Variants in GTF2F2 observed in about 807,000 individuals in gnomAD.
The protein encoded by GTF2F2 is ATP-dependent helicase GTF2F2.
In GTF2F2, 23 loss-of-function variants were observed where a neutral mutation model predicts 42.2. The ratio of observed to expected loss-of-function variants is 0.55; its 90% CI spans 0.39 to 0.77. The LOEUF is 0.77. GTF2F2 is among the 30% of genes least tolerant of loss of function. The pLI is 0.00. For missense variants in GTF2F2, 261 were observed against 287.2 expected, an observed-to-expected ratio of 0.91 and a Z score of 0.66; for synonymous variants, 105 against 100.8, an observed-to-expected ratio of 1.04 and a Z score of -0.25.
At chr13:45,173,612 A>ATTTTTTTT (rs56033747) in intron 4 of GTF2F2, among the ~76,000 whole-genome samples, 10 of 93,702 alleles carry the variant, frequency 1.1e-4, no homozygotes, top group Non-Finnish European at 2.0e-4. Flanking sequence ...TAACTTTGTC[A>ATTTTTTTT]TTTTTTTTTT....
chr13:45,180,652 A>G (rs908582576), intron 4 of GTF2F2, among the ~76,000 whole-genome samples: 2 of 151,934 alleles, frequency 1.3e-5, no homozygotes, highest in African/African-American at 4.8e-5. Context: ...TGTTTATTAT[A>G]CTTCATGTCA....
chr13:45,230,139 C>T (rs1030272373), intron 5 of GTF2F2, among the ~76,000 whole-genome samples: 11 of 151,908 alleles, frequency 7.2e-5, no homozygotes, highest in African/African-American at 2.7e-4. Flanking sequence ...TCGTTTAAAC[C>T]CATGAGGCGG....
chr13:45,238,212 C>T (rs1322018096), intron 5 of GTF2F2, among the ~76,000 whole-genome samples: 1 of 152,194 alleles, frequency 6.6e-6, no homozygotes, highest in African/African-American at 2.4e-5. Context: ...ACTTCAGCCT[C>T]CCAAACTGCT....
At chr13:45,194,631 C>G in intron 4 of GTF2F2, 5 of 1,406,778 alleles carry the variant, frequency 3.6e-6, no homozygotes, top group Non-Finnish European at 4.9e-6. Context: ...AGAGACACTA[C>G]CACACAAGCA....
At chr13:45,194,038 T>C (rs765613388) in intron 4 of GTF2F2, 1 of 1,614,160 alleles carries the variant, frequency 6.2e-7, no homozygotes, top group Non-Finnish European at 8.5e-7. Context: ...CAGCCTGCTT[T>C]TGGACACCAG....
At chr13:45,180,442 G>A (rs1480231363) in intron 4 of GTF2F2, among the ~76,000 whole-genome samples, 1 of 152,076 alleles carries the variant, frequency 6.6e-6, no homozygotes, top group East Asian at 1.9e-4. Flanking sequence ...TTTTCCGTAT[G>A]TGTGTGTATG....
chr13:45,162,761 T>C (rs1478317339), intron 4 of GTF2F2, among the ~76,000 whole-genome samples: 4 of 152,236 alleles, frequency 2.6e-5, no homozygotes, highest in African/African-American at 9.6e-5. Flanking sequence ...CACAAACTTA[T>C]TAAAACTTAT....
At chr13:45,209,060 TGAG>T (rs1873529816) in intron 5 of GTF2F2, among the ~76,000 whole-genome samples, 2 of 152,224 alleles carry the variant, frequency 1.3e-5, no homozygotes, top group African/African-American at 4.8e-5. Flanking sequence ...TTTCTGATGA[TGAG>T]ATCAGGCAGG....
At chr13:45,271,447 A>G (rs1165538278) in intron 7 of GTF2F2, among the ~76,000 whole-genome samples, 1 of 151,740 alleles carries the variant, frequency 6.6e-6, no homozygotes, top group Non-Finnish European at 1.5e-5. Flanking sequence ...GCAGTGGTGC[A>G]ATCTCGGATC....
intron 3 of GTF2F2, among the ~76,000 whole-genome samples, chr13:45,151,248 G>A (rs182918568): frequency 6.6e-6 from 1 of 152,222 alleles, no homozygotes; most frequent in Admixed American, 6.5e-5. Context: ...CTGTTTCTGC[G>A]CTAATTTACA....
Position 45,120,549 on chromosome 13 carries a change from C to T in GTF2F2, c.-107C>T, listed in dbSNP as rs192725652. ...TTCTGGCAGGTAAGGAACGCCGGCT[C>T]TTCGCCTCTCAGCGCGGCTTGTCCT... On this transcript the variant is annotated 5_prime_UTR_variant, in exon 1 of 8. Transcript: ENST00000340473. 4.3e-4 allele frequency: 327 copies of T among 765,546 alleles called. 3 individuals carry two copies. The East Asian group carries it at 6.9e-3, about 16-fold the overall frequency. The allele number at this position is 765,546 out of a possible 1,614,324, so 47.4% of individuals were successfully genotyped here.
intron 4 of GTF2F2, among the ~76,000 whole-genome samples, chr13:45,188,648 A>G (rs769755136): frequency 3.2e-4 from 48 of 152,202 alleles, no homozygotes; most frequent in Non-Finnish European, 5.6e-4. Context: ...TACTGTGAGG[A>G]TGTTGAAATT....
chr13:45,174,024 T>A (rs1871737520), intron 4 of GTF2F2, among the ~76,000 whole-genome samples: 1 of 152,232 alleles, frequency 6.6e-6, no homozygotes, highest in Non-Finnish European at 1.5e-5. Context: ...CAAGGTTTTA[T>A]GTGAATCACT....
intron 6 of GTF2F2, among the ~76,000 whole-genome samples, chr13:45,258,787 T>TA (rs1169440611): frequency 6.6e-6 from 1 of 152,206 alleles, no homozygotes; most frequent in African/African-American, 2.4e-5. Context: ...ATAAATACAG[T>TA]AGTACGTTTG....
chr13:45,211,377 T>G (rs1022966153), intron 5 of GTF2F2, among the ~76,000 whole-genome samples: 10 of 151,034 alleles, frequency 6.6e-5, no homozygotes, highest in African/African-American at 2.4e-4. Context: ...TTTTTTTGTT[T>G]TTTTTTTTTT....
chr13:45,197,276 C>G (rs986906694), intron 4 of GTF2F2, among the ~76,000 whole-genome samples: 5 of 150,296 alleles, frequency 3.3e-5, no homozygotes, highest in African/African-American at 9.8e-5. Context: ...GCGGGCAGGT[C>G]ACTTGAGGCC....
chr13:45,266,924 G>A (rs1363341602), intron 6 of GTF2F2, among the ~76,000 whole-genome samples: 1 of 152,106 alleles, frequency 6.6e-6, no homozygotes, highest in Non-Finnish European at 1.5e-5. Flanking sequence ...GAGGCAGGTG[G>A]ATCACCTGAG....
chr13:45,147,856 C>T (rs1305954639), intron 2 of GTF2F2, among the ~76,000 whole-genome samples: 1 of 152,188 alleles, frequency 6.6e-6, no homozygotes, highest in Admixed American at 6.5e-5. Context: ...ATGTTTTCGA[C>T]TTCATCCCTC....
intron 4 of GTF2F2, among the ~76,000 whole-genome samples, chr13:45,157,466 G>A (rs972277830): frequency 1.3e-5 from 2 of 152,238 alleles, no homozygotes; most frequent in Admixed American, 1.3e-4. Context: ...AGGTTGAGAA[G>A]AGACCATGGA....
Sources: allele counts gnomAD v4.1 joint callset (sites outside exome capture counted in the v4.1 genomes callset), GRCh38; gene constraint gnomAD v4.1.1; transcripts MANE v1.5; gene names NCBI Gene and HGNC (gene_info 2026-07-23, HGNC 2026-07-21).